Variants in PPP2R2B observed in about 807,000 individuals in gnomAD.
The protein encoded by PPP2R2B is protein phosphatase 2 regulatory subunit Bbeta, also known as serine/threonine-protein phosphatase 2A 55 kDa regulatory subunit B beta isoform.
PPP2R2B carries 5 observed loss-of-function variants against 46.0 expected under a neutral mutation model. The observed-to-expected ratio is 0.11, with a 90% CI of 0.06 to 0.23. PPP2R2B has a LOEUF of 0.23. PPP2R2B is among the 10% of genes least tolerant of loss of function. PPP2R2B has a pLI of 1.00. For missense variants in PPP2R2B, 367 were observed against 575.0 expected (o/e 0.64, Z 3.70); for synonymous variants, 215 against 206.7 (o/e 1.04, Z -0.34).
chr5:146,599,262 G>A (rs983338993), intron 8 of PPP2R2B, among the ~76,000 whole-genome samples: 2 of 152,026 alleles, frequency 1.3e-5, no homozygotes, highest in Non-Finnish European at 2.9e-5. Flanking sequence ...CTTCCACACA[G>A]TCTTCTTGAT....
At chr5:146,837,995 A>G (rs998523037) in intron 2 of PPP2R2B, among the ~76,000 whole-genome samples, 1 of 152,142 alleles carries the variant, frequency 6.6e-6, no homozygotes, top group Non-Finnish European at 1.5e-5. Context: ...TTCTCATACT[A>G]TTTTAAGAGT....
In PPP2R2B at chr5:146,878,155, G is replaced by A. The variant is rs766675779; in HGVS notation, c.-84C>T. The A allele has an allele frequency of 4.4e-6, 7 of 1,607,004 alleles. No homozygotes were observed. Among genetic ancestry groups the A allele is most frequent in the Middle Eastern group, 1.7e-4 (1 of 6,056 alleles). On this transcript the variant is annotated 5_prime_UTR_variant, in exon 2 of 10. Coordinates refer to ENST00000394411, the MANE Select transcript of PPP2R2B (RefSeq NM_181675.4). The surrounding 1 kb of genome is among the most constrained non-coding windows in gnomAD (Gnocchi z 4.5). Reference sequence around the variant, plus strand: ...TCCCCGCAGCCAGTCTCACAGGAGAGGGGGGCAGGGGAGCCAGTGGGACTG... The same window carrying A: ...TCCCCGCAGCCAGTCTCACAGGAGAAGGGGGCAGGGGAGCCAGTGGGACTG...
intron 2 of PPP2R2B, among the ~76,000 whole-genome samples, chr5:146,859,294 C>T (rs890489216): frequency 1.3e-5 from 2 of 152,212 alleles, no homozygotes; most frequent in African/African-American, 2.4e-5. Flanking sequence ...ACCCCTCCCA[C>T]AAGTATAAGA....
At chr5:147,023,322 A>G (rs150270047) in intron 1 of PPP2R2B, among the ~76,000 whole-genome samples, 11 of 152,310 alleles carry the variant, frequency 7.2e-5, no homozygotes, top group African/African-American at 2.4e-4. Flanking sequence ...AAAAATAATT[A>G]ATATGAATGA....
rs972192168 is a variant in PPP2R2B at position 146,648,499 on chromosome 5, C to G, written c.625+2048G>C. ...CTACTTTGATGACCTACTATTATTT[C>G]GAACTTGACAGGTTCAATAATTTTC... On this transcript the variant is annotated intron_variant, in intron 6 of 9. Transcript: ENST00000394411. Among the ~76,000 whole-genome samples the G allele has an allele frequency of 1.3e-4, 20 of 152,196 alleles. No individual in the cohort carries two copies. The Middle Eastern group carries it at 0.01, about 78-fold the overall frequency.
chr5:146,734,609 T>G, intron 2 of PPP2R2B, among the ~76,000 whole-genome samples: 1 of 152,240 alleles, frequency 6.6e-6, no homozygotes, highest in East Asian at 1.9e-4. Flanking sequence ...ATCCTGGCCA[T>G]ATTCCAGACA....
At chr5:146,844,994 A>G (rs1759896718) in intron 2 of PPP2R2B, among the ~76,000 whole-genome samples, 1 of 152,158 alleles carries the variant, frequency 6.6e-6, no homozygotes, top group Admixed American at 6.5e-5. Context: ...TACAAAGTCC[A>G]TGAGATCCCA....
intron 2 of PPP2R2B, among the ~76,000 whole-genome samples, chr5:146,773,795 C>T (rs1478461360): frequency 6.6e-6 from 1 of 152,048 alleles, no homozygotes; most frequent in Non-Finnish European, 1.5e-5. Context: ...ATATTTTTAC[C>T]GTAGAGGCCA....
chr5:146,619,302 T>TAAAAA (rs34725004), intron 7 of PPP2R2B, among the ~76,000 whole-genome samples: 1 of 112,878 alleles, frequency 8.9e-6, no homozygotes. Flanking sequence ...CCGTCTCTAC[T>TAAAAA]AAAAAAAAAA....
chr5:146,591,985 A>T (rs1375947305), intron 9 of PPP2R2B: 6 of 293,016 alleles, frequency 2.0e-5, no homozygotes, highest in African/African-American at 1.4e-4. Flanking sequence ...CAAGGCTAAG[A>T]TAGAGGAAAA....
chr5:146,900,910 G>T (rs1056481959), intron 1 of PPP2R2B, among the ~76,000 whole-genome samples: 11 of 150,622 alleles, frequency 7.3e-5, no homozygotes, highest in African/African-American at 2.5e-4. Context: ...GCATTAGTTT[G>T]CTGAGGATGA....
At chr5:147,056,530 C>T (rs192600920), upstream of PPP2R2B, among the ~76,000 whole-genome samples, 181 of 152,198 alleles carry the variant, frequency 1.2e-3, no homozygotes, top group African/African-American at 4.0e-3. Context: ...AAAGCCACAA[C>T]GCAAGAATAG....
chr5:146,946,896 G>A (rs570112154), intron 1 of PPP2R2B, among the ~76,000 whole-genome samples: 110 of 152,096 alleles, frequency 7.2e-4, no homozygotes, highest in Admixed American at 1.1e-3. Context: ...GGGGGTATCC[G>A]TTTAGACAGC....
chr5:146,639,210 C>T (rs1775033697), intron 6 of PPP2R2B, among the ~76,000 whole-genome samples: 1 of 152,152 alleles, frequency 6.6e-6, no homozygotes, highest in Non-Finnish European at 1.5e-5. Context: ...GACTTCTAGT[C>T]TCTGTAAGTT....
intron 2 of PPP2R2B, chr5:146,856,486 A>C: frequency 6.5e-7 from 1 of 1,547,112 alleles, no homozygotes; most frequent in East Asian, 2.2e-5. Flanking sequence ...GGTATAAATA[A>C]TAATACGAAT....
intron 2 of PPP2R2B, among the ~76,000 whole-genome samples, chr5:147,074,542 A>C (rs920712783): frequency 2.6e-5 from 4 of 152,210 alleles, no homozygotes; most frequent in African/African-American, 9.6e-5. Context: ...AATGAGGTGA[A>C]GGCTACAAGT....
At position 146,793,984 on chromosome 5, in the gene PPP2R2B, A is replaced by G. The variant is rs534330443; in HGVS notation, c.70+84018T>C. ...GACATTGATTCAGTAGATATTGAGT[A>G]GAGCTCAGAAATTTCATTTTGACAC... On this transcript the variant is annotated intron_variant, in intron 2 of 9. Transcript: ENST00000394411. Among the ~76,000 whole-genome samples, 15 of 152,332 alleles carry G rather than the reference A, an allele frequency of 9.8e-5. No homozygotes were observed. In the South Asian group the frequency reaches 3.1e-3, roughly 32 times the overall value.
At chr5:146,959,079 T>C (rs978044340) in intron 1 of PPP2R2B, among the ~76,000 whole-genome samples, 4 of 152,140 alleles carry the variant, frequency 2.6e-5, no homozygotes, top group Admixed American at 2.6e-4. Context: ...TTAATAAATA[T>C]CTAGGAAAAT....
chr5:146,712,643 T>C (rs1245255796), intron 2 of PPP2R2B, among the ~76,000 whole-genome samples: 5 of 152,212 alleles, frequency 3.3e-5, no homozygotes, highest in Non-Finnish European at 5.9e-5. Context: ...GCAACATCTG[T>C]CACCCCACTG....
Sources: allele counts gnomAD v4.1 joint callset (sites outside exome capture counted in the v4.1 genomes callset), GRCh38; gene constraint gnomAD v4.1.1; non-coding constraint Gnocchi (gnomAD v3.1); transcripts MANE v1.5; gene names NCBI Gene and HGNC (gene_info 2026-07-23, HGNC 2026-07-21).